CSMD3: variants seen among roughly 807,000 people sequenced by gnomAD.
CSMD3 encodes CUB and sushi domain-containing protein 3.
CSMD3 carries 177 observed loss-of-function variants against 435.2 expected under a neutral mutation model. The ratio of observed to expected loss-of-function variants is 0.41; its 90% confidence interval spans 0.36 to 0.46. The LOEUF (loss-of-function observed/expected upper bound fraction) is 0.46. Ranked by LOEUF, CSMD3 falls within the 20% of genes least tolerant of loss-of-function variation. The probability of loss-of-function intolerance (pLI) is 0.34; values close to 1 mark genes in which losing one functional copy is unlikely to be tolerated. For missense variants in CSMD3, 4,265 were observed against 4,504.6 expected (o/e 0.95, Z 1.52); for synonymous variants, 1,656 against 1,520.5 (o/e 1.09, Z -2.07).
chr8:112,766,940 T>C (rs1231407226), intron 13 of CSMD3, among the ~76,000 whole-genome samples: 1 of 151,802 alleles, frequency 6.6e-6, no homozygotes, highest in Non-Finnish European at 1.5e-5. Flanking sequence ...AACTACAAAA[T>C]ATAAATAGTG....
chr8:113,315,550 T>C (rs2093902749), intron 1 of CSMD3, among the ~76,000 whole-genome samples: 2 of 150,718 alleles, frequency 1.3e-5, no homozygotes, highest in South Asian at 4.2e-4. Flanking sequence ...ACTTACTATA[T>C]TTCTTCAGCA....
At chr8:112,589,901 A>G (rs1204661942) in intron 22 of CSMD3, among the ~76,000 whole-genome samples, 1 of 152,188 alleles carries the variant, frequency 6.6e-6, no homozygotes, top group South Asian at 2.1e-4. Flanking sequence ...ATCACTGAAC[A>G]GTAACAAATG....
chr8:112,736,612 T>C (rs2077190538), intron 13 of CSMD3, among the ~76,000 whole-genome samples: 1 of 152,080 alleles, frequency 6.6e-6, no homozygotes. Flanking sequence ...TCCTTTTTAA[T>C]GTTCTTTGGT....
intron 5 of CSMD3, among the ~76,000 whole-genome samples, chr8:113,057,959 A>C (rs1466125053): frequency 6.6e-6 from 1 of 151,802 alleles, no homozygotes. Flanking sequence ...TTATGCAAAC[A>C]TTTTGTTTAA....
chr8:112,888,101 T>A (rs1408593052), intron 10 of CSMD3, among the ~76,000 whole-genome samples: 1 of 151,676 alleles, frequency 6.6e-6, no homozygotes, highest in Non-Finnish European at 1.5e-5. Context: ...AACATATCAG[T>A]GATTTCACCA....
chr8:112,348,514 G>C (rs1315039262), intron 40 of CSMD3, among the ~76,000 whole-genome samples: 1 of 152,014 alleles, frequency 6.6e-6, no homozygotes, highest in Non-Finnish European at 1.5e-5. Flanking sequence ...TATTGCTATT[G>C]TATCACTGCC....
chr8:113,121,546 G>A (rs1355502738), intron 4 of CSMD3, among the ~76,000 whole-genome samples: 1 of 152,116 alleles, frequency 6.6e-6, no homozygotes, highest in Admixed American at 6.6e-5. Flanking sequence ...CTCTTTCTCA[G>A]TCTGGGGCTG....
intron 2 of CSMD3, chr8:113,311,709 G>A (rs964494674): frequency 2.2e-4 from 33 of 151,960 alleles, no homozygotes; most frequent in Admixed American, 1.6e-3. Flanking sequence ...GTCTGGAACG[G>A]GCTGTAGGTT....
intron 5 of CSMD3, 64 bp downstream of exon 5, chr8:113,098,692 G>T (rs2131545211): frequency 1.8e-6 from 2 of 1,107,292 alleles, no homozygotes; most frequent in African/African-American, 1.5e-5. Context: ...ACATTCAGTT[G>T]TTCTTTGTTC....
chr8:113,253,461 A>G (rs1199504021), intron 3 of CSMD3, among the ~76,000 whole-genome samples: 1 of 151,742 alleles, frequency 6.6e-6, no homozygotes, highest in Non-Finnish European at 1.5e-5. Context: ...GACTTTTTAA[A>G]TTTAAAACTG....
intron 1 of CSMD3, among the ~76,000 whole-genome samples, chr8:113,346,203 A>T (rs2094150211): frequency 6.6e-6 from 1 of 151,986 alleles, no homozygotes; most frequent in African/African-American, 2.4e-5. Flanking sequence ...CTTAGTCAAT[A>T]ACTGGGATTT....
chr8:112,556,089 G>C (rs1369081173), intron 25 of CSMD3, among the ~76,000 whole-genome samples: 1 of 151,798 alleles, frequency 6.6e-6, no homozygotes, highest in Non-Finnish European at 1.5e-5. Flanking sequence ...ACACCTACTT[G>C]GTCTTTAGAG....
intron 20 of CSMD3, chr8:112,643,616 TCAGGGAG>T (rs1452218922): frequency 1.2e-5 from 2 of 167,982 alleles, no homozygotes; most frequent in Non-Finnish European, 2.9e-5. Context: ...TTCTATAATA[TCAGGGAG>T]CTTATTTTAA....
chr8:112,624,292 C>G (rs996170116), intron 22 of CSMD3, among the ~76,000 whole-genome samples: 1 of 151,968 alleles, frequency 6.6e-6, no homozygotes, highest in Non-Finnish European at 1.5e-5. Flanking sequence ...ATTCAGTAAA[C>G]AAATTCAAGA....
At chr8:113,412,553 T>C (rs2094564196) in intron 1 of CSMD3, among the ~76,000 whole-genome samples, 1 of 152,110 alleles carries the variant, frequency 6.6e-6, no homozygotes, top group African/African-American at 2.4e-5. Context: ...AGCCAATGAA[T>C]GATAAAAGAT....
chr8:113,269,474 G>A (rs2093501020), intron 3 of CSMD3, among the ~76,000 whole-genome samples: 1 of 151,968 alleles, frequency 6.6e-6, no homozygotes, highest in Non-Finnish European at 1.5e-5. Context: ...CAGTTCATAT[G>A]GAACCAAAAA....
chr8:112,391,198 A>G (rs1830381299), intron 35 of CSMD3, among the ~76,000 whole-genome samples: 1 of 152,210 alleles, frequency 6.6e-6, no homozygotes, highest in Non-Finnish European at 1.5e-5. Context: ...CTGGAAAGTA[A>G]TGAGGATGAT....
chr8:113,180,797 T>G (rs2092412229), intron 3 of CSMD3, among the ~76,000 whole-genome samples: 1 of 151,990 alleles, frequency 6.6e-6, no homozygotes, highest in Non-Finnish European at 1.5e-5. Flanking sequence ...TCAAATTACA[T>G]AGTTATGTGA....
intron 2 of CSMD3, among the ~76,000 whole-genome samples, chr8:113,287,033 TTAAG>T (rs1283971984): frequency 7.9e-5 from 12 of 151,994 alleles, no homozygotes; most frequent in Non-Finnish European, 1.6e-4. Flanking sequence ...TTTGTGAATG[TTAAG>T]TAAGGTAATT....
Sources: gnomAD v4.1 joint callset for allele counts (sites outside exome capture counted in the v4.1 genomes callset) on GRCh38, gnomAD v4.1.1 for gene constraint, MANE v1.5 for transcripts, NCBI Gene and HGNC (gene_info 2026-07-23, HGNC 2026-07-21) for gene names.